CCDC144A: variants seen among roughly 807,000 people sequenced by gnomAD.
The protein encoded by CCDC144A is coiled-coil domain containing 144A.
A neutral mutation model predicts 143.8 loss-of-function variants in CCDC144A; 41 were observed. That is an observed-to-expected ratio of 0.29 (90% confidence interval 0.22 to 0.37). The LOEUF is 0.37. CCDC144A is among the 10% of genes least tolerant of loss of function. CCDC144A has a pLI of 1.00. For synonymous variants in CCDC144A, 242 were observed against 517.9 expected (o/e 0.47, Z 7.23); for missense variants, 637 against 1,488.8 (o/e 0.43, Z 9.41).
intron 6 of CCDC144A, among the ~76,000 whole-genome samples, chr17:16,715,383 A>C (rs529017161): frequency 6.6e-6 from 1 of 151,692 alleles, no homozygotes; most frequent in Non-Finnish European, 1.5e-5. Flanking sequence ...TGGAAATTAT[A>C]TGCGTTTTTG....
intron 12 of CCDC144A, among the ~76,000 whole-genome samples, chr17:16,759,537 T>A (rs905409969): frequency 4.6e-5 from 7 of 151,616 alleles, no homozygotes; most frequent in Non-Finnish European, 1.0e-4. Flanking sequence ...CTTGCATTGG[T>A]TTTACTTTCA....
the CCDC144A span, among the ~76,000 whole-genome samples, chr17:16,671,842 A>G: frequency 1.3e-5 from 2 of 152,146 alleles, no homozygotes; most frequent in Non-Finnish European, 2.9e-5. Flanking sequence ...AGAAAAAACC[A>G]TATGTATTAA....
At chr17:16,739,423 A>G (rs1488628727) in intron 12 of CCDC144A, among the ~76,000 whole-genome samples, 1 of 149,664 alleles carries the variant, frequency 6.7e-6, no homozygotes, top group East Asian at 2.0e-4. Context: ...CACTTTCTTG[A>G]TGGTCTCTGT....
the CCDC144A span, among the ~76,000 whole-genome samples, chr17:16,675,518 A>G: frequency 1.3e-5 from 2 of 151,932 alleles, no homozygotes; most frequent in Admixed American, 6.6e-5. Context: ...AACACAACTA[A>G]TATAACATAC....
upstream of CCDC144A, among the ~76,000 whole-genome samples, chr17:16,685,725 G>A (rs1910754293): frequency 1.3e-5 from 2 of 151,942 alleles, no homozygotes. Flanking sequence ...GATTTTACGG[G>A]GGGAGTGGGA....
At chr17:16,719,249 A>G (rs1031808878) in intron 6 of CCDC144A, among the ~76,000 whole-genome samples, 6 of 152,198 alleles carry the variant, frequency 3.9e-5, no homozygotes, top group South Asian at 2.1e-4. Flanking sequence ...TGTGTGCTCA[A>G]TGAGTATTTA....
chr17:16,746,479 C>A (rs1198180090), intron 12 of CCDC144A: 23 of 1,613,690 alleles, frequency 1.4e-5, no homozygotes, highest in Non-Finnish European at 1.7e-5. Context: ...CCAGCAGAGT[C>A]TCAGGGTTGG....
At chr17:16,749,239 G>A (rs1914673974) in intron 12 of CCDC144A, among the ~76,000 whole-genome samples, 1 of 152,076 alleles carries the variant, frequency 6.6e-6, no homozygotes, top group Admixed American at 6.5e-5. Context: ...TGCACTATAA[G>A]CTTTCCTCTT....
intron 12 of CCDC144A, chr17:16,745,664 C>T (rs201163615): frequency 7.5e-6 from 12 of 1,606,534 alleles, no homozygotes; most frequent in East Asian, 4.5e-5. Flanking sequence ...CAGGACCAGT[C>T]CCCGAACCTT....
chr17:16,767,516 G>T (rs1185851036), intron 15 of CCDC144A, among the ~76,000 whole-genome samples: 1 of 149,444 alleles, frequency 6.7e-6, no homozygotes, highest in Non-Finnish European at 1.5e-5. Context: ...AAGGTAGGGG[G>T]TGGGGTGGGT....
At chr17:16,719,555 C>T (rs1912967487) in intron 6 of CCDC144A, among the ~76,000 whole-genome samples, 1 of 152,180 alleles carries the variant, frequency 6.6e-6, no homozygotes, top group African/African-American at 2.4e-5. Flanking sequence ...GGTTTGAGTT[C>T]TGGGTCTGCT....
intron 12 of CCDC144A, among the ~76,000 whole-genome samples, chr17:16,755,852 C>T (rs1915058506): frequency 6.6e-6 from 1 of 152,226 alleles, no homozygotes; most frequent in East Asian, 1.9e-4. Context: ...TGAACCACTG[C>T]ACCTGGCCCC....
rs757180848 is a variant in CCDC144A at position 16,761,630 on chromosome 17, G to T, written c.3578G>T (p.Gly1193Val). Residue 1193 changes from glycine (G) to valine (V), a missense_variant, in exon 13 of 17, where the codon GGT (glycine) becomes GTT (valine). Transcript: ENST00000399273. The stretch of plus-strand genomic sequence containing the variant: ...ATGGAAAGAAATATGTTAGAACGTG[G>T]TAAAGCTGAATGGCATAAACTGTTG... ...SYMERNMLER[G>V]KAEWHKLLIE... 4 of 1,613,634 alleles carry T rather than the reference G, an allele frequency of 2.5e-6. No individual in the cohort carries two copies. The highest frequency in any genetic ancestry group is 1.3e-5 in the African/African-American group (1 of 74,940).
intron 12 of CCDC144A, among the ~76,000 whole-genome samples, chr17:16,759,219 T>C (rs1191234972): frequency 2.6e-5 from 4 of 152,272 alleles, no homozygotes; most frequent in Non-Finnish European, 4.4e-5. Flanking sequence ...TTGTAATTTA[T>C]AGGCCATCAT....
chr17:16,710,904 T>C (rs1912367431), intron 5 of CCDC144A, among the ~76,000 whole-genome samples: 1 of 150,168 alleles, frequency 6.7e-6, no homozygotes, highest in East Asian at 1.9e-4. Context: ...GGATCAATCA[T>C]TTTAATCTTT....
At chr17:16,691,407 T>C (rs1460788166) in intron 1 of CCDC144A, among the ~76,000 whole-genome samples, 3 of 152,028 alleles carry the variant, frequency 2.0e-5, no homozygotes, top group Non-Finnish European at 4.4e-5. Flanking sequence ...GAGTCTCAAG[T>C]ATGTTAGTTG....
At chr17:16,772,085 C>T (rs1048258407) in intron 16 of CCDC144A, 66 bp downstream of exon 16, 24 of 1,139,174 alleles carry the variant, frequency 2.1e-5, no homozygotes, top group Middle Eastern at 4.0e-4. Flanking sequence ...AAACTGCAAA[C>T]GACATCCCTT....
chr17:16,681,310 A>G, the CCDC144A span, among the ~76,000 whole-genome samples: 1 of 152,126 alleles, frequency 6.6e-6, no homozygotes, highest in African/African-American at 2.4e-5. Flanking sequence ...TCAATGGATA[A>G]CAAAATCAAA....
chr17:16,684,677 AT>A (rs1910718637), upstream of CCDC144A, among the ~76,000 whole-genome samples: 1 of 151,622 alleles, frequency 6.6e-6, no homozygotes, highest in African/African-American at 2.4e-5. Flanking sequence ...AAAAAAAAAA[AT>A]TTGAGACTGG....
Sources: gnomAD v4.1 joint callset for allele counts (sites outside exome capture counted in the v4.1 genomes callset) on GRCh38, gnomAD v4.1.1 for gene constraint, MANE v1.5 for transcripts, NCBI Gene and HGNC (gene_info 2026-07-23, HGNC 2026-07-21) for gene names.